PIBF1: variants seen among roughly 807,000 people sequenced by gnomAD.
PIBF1 encodes the protein progesterone-induced-blocking factor 1.
Under a neutral mutation model 112.5 loss-of-function variants are expected in PIBF1, and 90 were observed. The observed-to-expected ratio is 0.80, with a 90% CI of 0.67 to 0.95. The LOEUF is 0.95. Among genes scored for constraint, PIBF1 ranks in the 40% least tolerant of loss-of-function variants. The pLI, the probability that PIBF1 is intolerant of heterozygous loss-of-function variation, is 0.00. For synonymous variants in PIBF1, 301 were observed against 288.6 expected, an observed-to-expected ratio of 1.04 and a Z score of -0.44; for missense variants, 915 against 852.3, an observed-to-expected ratio of 1.07 and a Z score of -0.92.
At chr13:72,855,775 G>A (rs555643302) in intron 10 of PIBF1, among the ~76,000 whole-genome samples, 17 of 152,120 alleles carry the variant, frequency 1.1e-4, no homozygotes, top group Admixed American at 7.2e-4. Flanking sequence ...TACGTGTAAC[G>A]CTTCCACTTA....
chr13:72,928,026 C>CATATATATATACATATATACATATATAT (rs2041576739), intron 13 of PIBF1, among the ~76,000 whole-genome samples: 1 of 118,632 alleles, frequency 8.4e-6, no homozygotes. Context: ...CATATATATA[C>CATATATATATACATATATACATATATAT]ATATATATAT....
intron 15 of PIBF1, among the ~76,000 whole-genome samples, chr13:72,969,080 T>C (rs890009668): frequency 1.3e-5 from 2 of 151,994 alleles, no homozygotes; most frequent in Non-Finnish European, 1.5e-5. Context: ...CAGCACCCGA[T>C]TGATAGGGTT....
intron 10 of PIBF1, among the ~76,000 whole-genome samples, chr13:72,889,401 C>T (rs959962233): frequency 8.5e-5 from 13 of 152,134 alleles, no homozygotes; most frequent in Non-Finnish European, 1.5e-5. Flanking sequence ...CTAAACTTTC[C>T]TGCCCACACA....
intron 17 of PIBF1, among the ~76,000 whole-genome samples, chr13:73,013,731 CAAA>C (rs113104076): frequency 7.5e-4 from 85 of 113,076 alleles, no homozygotes; most frequent in Non-Finnish European, 1.4e-3. Context: ...GAGCCTATCT[CAAA>C]AAAAAAAAAA....
rs368384868 is a variant in PIBF1 at position 72,795,630 on chromosome 13, A to T, written c.552+73A>T. 3 of 932,524 alleles carry T rather than the reference A, an allele frequency of 3.2e-6. No homozygotes were observed. In the East Asian group the frequency reaches 7.8e-5, roughly 24 times the overall value. The allele number at this position is 932,524 out of a possible 1,614,324, so 57.8% of individuals were successfully genotyped here. A position where few individuals can be genotyped will look rare whatever the true frequency, so the allele number is the denominator to read the frequency against. ...AAAATTTACCATTTATATAGTAGCA[A>T]TTACTTTTGAAGTACCCAATTGATA... On this transcript the variant is annotated intron_variant, in intron 4 of 17. Transcript: ENST00000326291.
intron 5 of PIBF1, among the ~76,000 whole-genome samples, chr13:72,821,386 A>G (rs574224312): frequency 2.0e-5 from 3 of 152,300 alleles, no homozygotes; most frequent in Admixed American, 6.5e-5. Context: ...GAGTAACACA[A>G]TTGGAACTGC....
intron 14 of PIBF1, among the ~76,000 whole-genome samples, chr13:72,943,269 A>G (rs1471554992): frequency 1.3e-5 from 2 of 152,140 alleles, no homozygotes; most frequent in African/African-American, 4.8e-5. Flanking sequence ...GATAGAAGGA[A>G]TGAGTTGTAG....
chr13:72,827,989 G>A, intron 8 of PIBF1, 75 bp downstream of exon 8: 4 of 1,011,924 alleles, frequency 4.0e-6, no homozygotes, highest in Admixed American at 6.3e-5. Flanking sequence ...TTGGCTTTGG[G>A]GAAGATTTAG....
At position 72,931,164 on chromosome 13, in the gene PIBF1, G is replaced by A. The variant is rs2041684401; in HGVS notation, c.1731-1G>A. On this transcript the variant is annotated splice_acceptor_variant, in intron 13 of 17. Coordinates refer to ENST00000326291, the MANE Select transcript of PIBF1 (RefSeq NM_006346.4). LOFTEE classifies it high-confidence loss of function. ...TTAATTTTCTTATTTCATTTGCCTA[G>A]TGTTCACTTGGCAAGAAGAGTGCTT... is the stretch of plus-strand genomic sequence containing the variant. 3 of 1,589,408 alleles carry A rather than the reference G, an allele frequency of 1.9e-6. No homozygotes were observed. Among genetic ancestry groups the A allele is most frequent in the African/African-American group, 2.7e-5 (2 of 74,158 alleles).
intron 10 of PIBF1, among the ~76,000 whole-genome samples, chr13:72,878,972 A>G (rs972712392): frequency 6.6e-6 from 1 of 152,024 alleles, no homozygotes; most frequent in East Asian, 1.9e-4. Flanking sequence ...ATTTTTCTCT[A>G]TCTACTTTTA....
At chr13:72,865,058 A>G (rs745504209) in intron 10 of PIBF1, among the ~76,000 whole-genome samples, 7 of 152,156 alleles carry the variant, frequency 4.6e-5, no homozygotes, top group Non-Finnish European at 1.0e-4. Flanking sequence ...GAGGAGCAAA[A>G]AAATGGTTAC....
intron 17 of PIBF1, among the ~76,000 whole-genome samples, chr13:73,004,483 C>G (rs1283474282): frequency 1.2e-5 from 1 of 81,750 alleles, no homozygotes. Context: ...GAGCGAGATT[C>G]TGTCTCAAAA....
chr13:72,815,634 C>T (rs2036231031), intron 5 of PIBF1, among the ~76,000 whole-genome samples: 1 of 152,088 alleles, frequency 6.6e-6, no homozygotes, highest in Admixed American at 6.5e-5. Context: ...GGACTTTATC[C>T]TTTCCATCAC....
In PIBF1 at chr13:72,904,433, C is replaced by CTTTTTTTTT. The variant is rs71099767; in HGVS notation, c.1489-4081_1489-4073dup. Among the ~76,000 whole-genome samples, 91 of 36,550 alleles carry CTTTTTTTTT rather than the reference C, an allele frequency of 2.5e-3. 20 individuals carry two copies. The East Asian group carries it at 0.03, about 12-fold the overall frequency. 24.0% of individuals were successfully genotyped at this position (36,550 alleles called of 152,430 possible). On this transcript the variant is annotated intron_variant, in intron 11 of 17. Coordinates refer to ENST00000326291, the MANE Select transcript of PIBF1 (RefSeq NM_006346.4). Reference sequence around the variant, plus strand: ...ATTTATCCAAAATATCAAAATATTTCTTTTTTTTTTTTTTTTTTTTTTTTT... The same window carrying CTTTTTTTTT: ...ATTTATCCAAAATATCAAAATATTTCTTTTTTTTTTTTTTTTTTTTTTTTTTTTTTTTTT...
chr13:72,782,674 TATGAG>T (rs771673150), intron 1 of PIBF1, among the ~76,000 whole-genome samples: 1 of 152,212 alleles, frequency 6.6e-6, no homozygotes, highest in East Asian at 1.9e-4. Context: ...CTAACATTCT[TATGAG>T]AGAGTTAGAA....
At chr13:72,851,697 C>A (rs942091918) in intron 9 of PIBF1, among the ~76,000 whole-genome samples, 1 of 152,202 alleles carries the variant, frequency 6.6e-6, no homozygotes, top group East Asian at 1.9e-4. Context: ...TTTCACAGAA[C>A]GGAGTGAGAA....
At position 72,870,265 on chromosome 13, in the gene PIBF1, C is replaced by A. The variant is rs571068414; in HGVS notation, c.1322+16110C>A. 1.3e-3 allele frequency among the ~76,000 whole-genome samples: 196 copies of A among 152,276 alleles called. 1 individual carries two copies. Among genetic ancestry groups the A allele is most frequent in the South Asian group, 9.1e-3 (44 of 4,824 alleles). On this transcript the variant is annotated intron_variant, in intron 10 of 17. Transcript: ENST00000326291. ...GTATAGATGAACCTAACATTCCCTT[C>A]CTGTCGATTTCAAATGTTTAATGTT... is the stretch of plus-strand genomic sequence containing the variant.
chr13:72,959,837 A>G (rs1228360290), intron 14 of PIBF1, among the ~76,000 whole-genome samples: 1 of 152,226 alleles, frequency 6.6e-6, no homozygotes, highest in African/African-American at 2.4e-5. Context: ...GGTTTTATCT[A>G]GAGTCACTTA....
rs1555281880 is a variant in PIBF1, at chr13:72,792,557, G to GTTGT, written c.353+12_353+13insGTTT. The GTTGT allele has an allele frequency of 1.6e-6, 2 of 1,236,148 alleles. No individual in the cohort carries two copies. Among genetic ancestry groups the GTTGT allele is most frequent in the South Asian group, 3.0e-5 (2 of 66,722 alleles). The allele number at this position is 1,236,148 out of a possible 1,614,324, so 76.6% of individuals were successfully genotyped here. On this transcript the variant is annotated intron_variant, in intron 3 of 17. Coordinates refer to ENST00000326291, the MANE Select transcript of PIBF1 (RefSeq NM_006346.4). ...AACAGAAAGATGCCAGGTAAGAAAAGTTTTTTTTAAAAAAAAAACAACATC... is the reference window on the plus strand; with the variant it reads ...AACAGAAAGATGCCAGGTAAGAAAAGTTGTTTTTTTTTAAAAAAAAAACAACATC...
Sources: gnomAD v4.1 joint callset for allele counts (sites outside exome capture counted in the v4.1 genomes callset) on GRCh38, gnomAD v4.1.1 for gene constraint, MANE v1.5 for transcripts, NCBI Gene and HGNC (gene_info 2026-07-23, HGNC 2026-07-21) for gene names.